Variants in EHMT2 observed in about 807,000 individuals in gnomAD.
The protein encoded by EHMT2 is histone-lysine N-methyltransferase EHMT2.
Under a neutral mutation model 143.3 loss-of-function variants are expected in EHMT2, and 59 were observed. That is an observed-to-expected ratio of 0.41 (90% CI 0.33 to 0.51). EHMT2 has a LOEUF of 0.51. Among genes scored for constraint, EHMT2 ranks in the 20% least tolerant of loss-of-function variants. The pLI is 0.18. For synonymous variants in EHMT2, 604 were observed against 651.5 expected (o/e 0.93, Z 1.11); for missense variants, 1,174 against 1,645.9 (o/e 0.71, Z 4.96).
chr6:31,897,462 C>T (rs1766709695), intron 1 of EHMT2, among the ~76,000 whole-genome samples, 174 bp downstream of exon 1: 1 of 150,408 alleles, frequency 6.6e-6, no homozygotes, highest in Non-Finnish European at 1.5e-5. Flanking sequence ...GCCCACTCCC[C>T]CCACCTCCCA....
chr6:31,888,913 C>G lies in EHMT2; in HGVS notation c.1216+56G>C. The G allele has an allele frequency of 6.5e-7, 1 of 1,529,032 alleles. No homozygotes were observed. The highest frequency in any genetic ancestry group is 2.0e-5 in the Admixed American group (1 of 49,174). The allele number at this position is 1,529,032 out of a possible 1,614,324, so 94.7% of individuals were successfully genotyped here. ...GGCGTGGTTCCCCTCCTTCCCTTTC[C>G]CTCCTGCCCTGAGGTCGCCCCCTAG... On this transcript the variant is annotated intron_variant, in intron 10 of 27. Coordinates refer to ENST00000375537, the Ensembl canonical transcript of EHMT2. The surrounding 1 kb of genome is among the most constrained non-coding windows in gnomAD (Gnocchi z 7.4).
Position 31,880,539 on chromosome 6 carries a change from C to T in EHMT2, c.3452+134G>A. The T allele has an allele frequency of 9.8e-7, 1 of 1,022,122 alleles. No homozygotes were observed. The highest frequency in any genetic ancestry group is 1.4e-6 in the Non-Finnish European group (1 of 706,370). 63.3% of individuals were successfully genotyped at this position (1,022,122 alleles called of 1,614,324 possible). A position where few individuals can be genotyped will look rare whatever the true frequency, so the allele number is the denominator to read the frequency against. On this transcript the variant is annotated intron_variant, in intron 27 of 27. Transcript: ENST00000375537. This position sits in a 1 kb window ranked among gnomAD's most constrained non-coding sequence, Gnocchi z 6.6. ...GTTTCCCCAAGTCCTCCAGGAAATA[C>T]TTATGTACACTGAAATCTGAGAAGC...
At position 31,889,093 on chromosome 6, in the gene EHMT2, G is replaced by T; in HGVS notation, c.1115-23C>A. The T allele has an allele frequency of 6.3e-7, 1 of 1,585,638 alleles. No individual in the cohort carries two copies. Among genetic ancestry groups the T allele is most frequent in the Non-Finnish European group, 8.6e-7 (1 of 1,164,792 alleles). On this transcript the variant is annotated intron_variant, in intron 9 of 27. Coordinates refer to ENST00000375537, the Ensembl canonical transcript of EHMT2. This position sits in a 1 kb window ranked among gnomAD's most constrained non-coding sequence, Gnocchi z 5.1. ...CTCCTGACACAGAGACAGAGAGAGT[G>T]AGAGTGCGAGCTCACAGGTGCCTGG...
At position 31,895,532 on chromosome 6, in the gene EHMT2, GCACCTGTAATCCCAGCA is replaced by G. The variant is rs1160211445; in HGVS notation, c.582+714_582+730del. On this transcript the variant is annotated intron_variant, in intron 4 of 27. Transcript: ENST00000375537. ...ACTTGTGGGCTGGTTGTGGTGGCTTGCACCTGTAATCCCAGCACTTTGCGAGGTCAAGGCAGGAAGAT... is the reference window on the plus strand; with the variant it reads ...ACTTGTGGGCTGGTTGTGGTGGCTTGCTTTGCGAGGTCAAGGCAGGAAGAT... 2.6e-5 allele frequency: 4 copies of G among 151,746 alleles called. No homozygotes were observed. In the East Asian group the frequency reaches 7.7e-4, roughly 29 times the overall value. 9.4% of individuals were successfully genotyped at this position (151,746 alleles called of 1,614,324 possible). A position where few individuals can be genotyped will look rare whatever the true frequency, so the allele number is the denominator to read the frequency against.
rs1765134040 is a variant in EHMT2, at chr6:31,888,085, G to A, written c.1701C>T (p.Pro567=). Residue 567 remains proline, a synonymous_variant, in exon 13 of 28, where the codon CCC becomes CCT. Coordinates refer to ENST00000375537, the Ensembl canonical transcript of EHMT2. The surrounding 1 kb of genome is among the most constrained non-coding windows in gnomAD (Gnocchi z 7.4). The stretch of plus-strand genomic sequence containing the variant: ...CTCTCCCGGGGACATCCTGGGACAG[G>A]GGTGGGGGTGCAGGAGCTGCAGTGC... 1.2e-6 allele frequency: 2 copies of A among 1,607,590 alleles called. No individual in the cohort carries two copies. Among genetic ancestry groups the A allele is most frequent in the African/African-American group, 1.3e-5 (1 of 74,848 alleles).
rs1763978902 is a variant in EHMT2 at position 31,880,630 on chromosome 6, TC to T, written c.3452+42del. On this transcript the variant is annotated intron_variant, in intron 27 of 27. Coordinates refer to ENST00000375537, the Ensembl canonical transcript of EHMT2. The surrounding 1 kb of genome is among the most constrained non-coding windows in gnomAD (Gnocchi z 6.6). ...CTTCAGGTCCCAGGTTTGCTGCATC[TC>T]CCACCCCCTGGCAGAGCCCCTAGAG... is the stretch of plus-strand genomic sequence containing the variant. 2 of 1,602,804 alleles carry T rather than the reference TC, an allele frequency of 1.2e-6. No homozygotes were observed. The highest frequency in any genetic ancestry group is 2.7e-5 in the African/African-American group (2 of 74,698).
In EHMT2 at chr6:31,888,822, T is replaced by C. The variant is rs1765272853; in HGVS notation, c.1217-75A>G. 1 of 1,556,194 alleles carries C rather than the reference T, an allele frequency of 6.4e-7. No homozygotes were observed. Among genetic ancestry groups the C allele is most frequent in the African/African-American group, 1.4e-5 (1 of 73,982 alleles). ...TGGGACCCCTGGCGGGTCCTCTCAC[T>C]CCCTCCCTACCCCACCCCGCCATGC... On this transcript the variant is annotated intron_variant, in intron 10 of 27. Coordinates refer to ENST00000375537, the Ensembl canonical transcript of EHMT2. This position sits in a 1 kb window ranked among gnomAD's most constrained non-coding sequence, Gnocchi z 7.4.
At position 31,883,680 on chromosome 6, in the gene EHMT2, C is replaced by A; in HGVS notation, c.2916+126G>T. The A allele has an allele frequency of 1.5e-6, 2 of 1,377,786 alleles. No homozygotes were observed. Among genetic ancestry groups the A allele is most frequent in the Non-Finnish European group, 1.0e-6 (1 of 997,178 alleles). 85.3% of individuals were successfully genotyped at this position (1,377,786 alleles called of 1,614,324 possible). On this transcript the variant is annotated intron_variant, in intron 22 of 27. Coordinates refer to ENST00000375537, the Ensembl canonical transcript of EHMT2. This position sits in a 1 kb window ranked among gnomAD's most constrained non-coding sequence, Gnocchi z 5.6. ...ATCCCTCCCCTGGTGGGGATGCGAC[C>A]CCACACCAGGGCTCCCTTTCAGCCA... is the stretch of plus-strand genomic sequence containing the variant.
At chr6:31,894,465 TAG>T (rs1351122915) in intron 4 of EHMT2, among the ~76,000 whole-genome samples, 1 of 151,924 alleles carries the variant, frequency 6.6e-6, no homozygotes, top group Non-Finnish European at 1.5e-5. Flanking sequence ...GTATTTTTAG[TAG>T]AGACAGGGTT....
chr6:31,894,081 T>C (rs538743524), intron 4 of EHMT2, among the ~76,000 whole-genome samples: 62 of 152,238 alleles, frequency 4.1e-4, no homozygotes, highest in African/African-American at 1.5e-3. Flanking sequence ...TTCAAGCGTT[T>C]CTCTCACCTC....
Position 31,880,154 on chromosome 6 carries a change from C to T in EHMT2, c.3563G>A (p.Arg1188His), listed in dbSNP as rs547088463. The change falls in exon 28 of 28, where the codon CGT becomes CAT. Residue 1188 changes from arginine (R) to histidine (H), a missense_variant. Arg to His is a conservative substitution (Grantham distance 29, BLOSUM62 0). Around this residue, in one of 6 missense-constraint regions of EHMT2, gnomAD observed 42 missense variants for 45.1 expected, o/e 0.93. Coordinates refer to ENST00000375537, the Ensembl canonical transcript of EHMT2. The surrounding 1 kb of genome is among the most constrained non-coding windows in gnomAD (Gnocchi z 6.6). ...AGGGTGTGGGTCCAGGCGGGCCAGA[C>T]GGCTCTGCTCCAGGGCAATGGCTTC... The T allele has an allele frequency of 9.3e-6, 15 of 1,612,984 alleles. No homozygotes were observed. Among genetic ancestry groups the T allele is most frequent in the African/African-American group, 5.3e-5 (4 of 75,044 alleles).
intron 4 of EHMT2, 173 bp downstream of exon 4, chr6:31,896,090 A>G: frequency 2.4e-6 from 2 of 846,012 alleles, no homozygotes; most frequent in Non-Finnish European, 3.5e-6. Flanking sequence ...AACTGCAGGA[A>G]GAGAGGAACC....
intron 1 of EHMT2, 69 bp from the exon 2 acceptor site, chr6:31,897,058 G>A: frequency 6.6e-7 from 1 of 1,506,616 alleles, no homozygotes; most frequent in Non-Finnish European, 8.8e-7. Flanking sequence ...CAGGATGCCT[G>A]GGCCCTGGGA....
At chr6:31,890,326 A>G (rs1287580495) in intron 7 of EHMT2, among the ~76,000 whole-genome samples, 1 of 151,960 alleles carries the variant, frequency 6.6e-6, no homozygotes, top group African/African-American at 2.4e-5. Context: ...GTGTGATCTC[A>G]GCTCACTGCA....
intron 15 of EHMT2, 93 bp from the exon 16 acceptor site, chr6:31,887,194 G>C (rs1764983811): frequency 1.8e-6 from 2 of 1,093,430 alleles, no homozygotes; most frequent in Non-Finnish European, 2.6e-6. Flanking sequence ...GGCTTCTCAG[G>C]GCCCCAAGCT....
chr6:31,887,445 T>C (rs1765018353), intron 15 of EHMT2, 132 bp downstream of exon 15: 2 of 794,240 alleles, frequency 2.5e-6, no homozygotes, highest in Non-Finnish European at 4.1e-6. Context: ...TACATGTGTC[T>C]TTTCCCCACC....
At chr6:31,893,803 T>G (rs976310824) in intron 4 of EHMT2, 7 of 176,236 alleles carry the variant, frequency 4.0e-5, no homozygotes, top group Non-Finnish European at 8.5e-5. Context: ...CTCAAATTTA[T>G]AGAGAAAGAA....
In EHMT2 at chr6:31,896,844, G is replaced by C; in HGVS notation, c.110-20C>G. On this transcript the variant is annotated intron_variant, in intron 2 of 27. Coordinates refer to ENST00000375537, the Ensembl canonical transcript of EHMT2. ...CATGAACTGTAGAGGAAGAGAAAAA[G>C]TTCAGAGCTAAGGGCTCAGGAGATC... is the stretch of plus-strand genomic sequence containing the variant. 6.2e-7 allele frequency: 1 copy of C among 1,612,704 alleles called. No homozygotes were observed.
intron 15 of EHMT2, 99 bp from the exon 16 acceptor site, chr6:31,887,200 A>G: frequency 9.9e-7 from 1 of 1,008,764 alleles, no homozygotes; most frequent in Non-Finnish European, 1.5e-6. Context: ...TCAGGGCCCC[A>G]AGCTGGATCA....
Sources: allele counts gnomAD v4.1 joint callset (sites outside exome capture counted in the v4.1 genomes callset), GRCh38; gene constraint gnomAD v4.1.1; regional missense constraint gnomAD v4.1.1; non-coding constraint Gnocchi (gnomAD v3.1); transcripts MANE v1.5; gene names NCBI Gene and HGNC (gene_info 2026-07-23, HGNC 2026-07-21).